NR6A1: variants seen among roughly 807,000 people sequenced by gnomAD.
NR6A1 encodes the protein nuclear receptor subfamily 6 group A member 1, also known as retinoic acid receptor-related testis-associated receptor.
In NR6A1, 7 loss-of-function variants were observed where a neutral mutation model predicts 59.1. The observed-to-expected ratio is 0.12, with a 90% CI of 0.07 to 0.22. The LOEUF is 0.22. Ranked by LOEUF, NR6A1 falls within the 10% of genes least tolerant of loss-of-function variation. The pLI, the probability that NR6A1 is intolerant of heterozygous loss-of-function variation, is 1.00. For synonymous variants in NR6A1, 243 were observed against 236.1 expected (o/e 1.03, Z -0.27); for missense variants, 468 against 611.6 (o/e 0.77, Z 2.48).
intron 2 of NR6A1, among the ~76,000 whole-genome samples, chr9:124,649,106 T>C (rs889095967): frequency 1.3e-5 from 2 of 151,762 alleles, no homozygotes; most frequent in African/African-American, 2.4e-5. Context: ...CTAAAATTCA[T>C]ATGAAACCTC....
intron 2 of NR6A1, among the ~76,000 whole-genome samples, chr9:124,701,639 AT>A (rs1838953917): frequency 6.6e-6 from 1 of 152,172 alleles, no homozygotes; most frequent in Non-Finnish European, 1.5e-5. Context: ...GAATCATTAT[AT>A]TTTTTGTTAA....
chr9:124,635,052 TATTAAATGGGTTTTA>T (rs1836561792), intron 2 of NR6A1, among the ~76,000 whole-genome samples: 1 of 152,186 alleles, frequency 6.6e-6, no homozygotes, highest in Admixed American at 6.5e-5. Context: ...GGGTGTTGTA[TATTAAATGGGTTTTA>T]ACAAATATAT....
intron 2 of NR6A1, among the ~76,000 whole-genome samples, chr9:124,605,645 T>C (rs919163037): frequency 6.6e-6 from 1 of 152,168 alleles, no homozygotes; most frequent in Non-Finnish European, 1.5e-5. Context: ...AGGATAAGGA[T>C]ACATACTGGA....
chr9:124,618,968 A>G (rs1218764398), intron 2 of NR6A1, among the ~76,000 whole-genome samples: 1 of 152,202 alleles, frequency 6.6e-6, no homozygotes, highest in Admixed American at 6.5e-5. Context: ...ATTCAAATGG[A>G]TAAACTCTTT....
intron 2 of NR6A1, among the ~76,000 whole-genome samples, chr9:124,719,232 A>T (rs550886490): frequency 6.6e-6 from 1 of 151,820 alleles, no homozygotes; most frequent in Admixed American, 6.6e-5. Flanking sequence ...GACTACAGAC[A>T]TGTGCCGCCA....
intron 2 of NR6A1, among the ~76,000 whole-genome samples, chr9:124,650,640 C>T (rs1166587514): frequency 6.6e-6 from 1 of 152,182 alleles, no homozygotes; most frequent in African/African-American, 2.4e-5. Flanking sequence ...GGTGATTTCC[C>T]TATTACCCCA....
Position 124,719,694 on chromosome 9 carries a change from G to A in NR6A1, c.142+13614C>T, listed in dbSNP as rs376672654. ...AGCACTCTGGGAAGCCGAGGTGCGCGGATTGCTTGAGTCTAGGAGTTGGAA... is the reference window on the plus strand; with the variant it reads ...AGCACTCTGGGAAGCCGAGGTGCGCAGATTGCTTGAGTCTAGGAGTTGGAA... On this transcript the variant is annotated intron_variant, in intron 2 of 9. Coordinates refer to ENST00000487099, the MANE Select transcript of NR6A1 (RefSeq NM_033334.4). 2.4e-3 allele frequency among the ~76,000 whole-genome samples: 372 copies of A among 152,196 alleles called. 1 individual carries two copies. Among genetic ancestry groups the A allele is most frequent in the Non-Finnish European group, 3.8e-3 (257 of 68,006 alleles).
intron 2 of NR6A1, among the ~76,000 whole-genome samples, chr9:124,578,144 C>CT (rs1396206855): frequency 6.6e-6 from 1 of 152,134 alleles, no homozygotes; most frequent in Admixed American, 6.6e-5. Flanking sequence ...CTCTTTGGGA[C>CT]TTCCAAACAT....
At chr9:124,682,286 GC>G (rs1471315729) in intron 2 of NR6A1, among the ~76,000 whole-genome samples, 1 of 152,156 alleles carries the variant, frequency 6.6e-6, no homozygotes, top group African/African-American at 2.4e-5. Context: ...ACAGGCATCA[GC>G]CATCGCGCCT....
intron 2 of NR6A1, among the ~76,000 whole-genome samples, chr9:124,648,021 A>G (rs1836989556): frequency 6.6e-6 from 1 of 152,206 alleles, no homozygotes; most frequent in Non-Finnish European, 1.5e-5. Context: ...ACAGGCTAGT[A>G]TCTCTGATGA....
At chr9:124,614,356 TTC>T (rs572382803) in intron 2 of NR6A1, among the ~76,000 whole-genome samples, 44 of 152,286 alleles carry the variant, frequency 2.9e-4, no homozygotes, top group Non-Finnish European at 4.7e-4. Flanking sequence ...CAAGAATAGT[TTC>T]TGTCTCCACC....
At chr9:124,725,434 A>G (rs745538367) in intron 2 of NR6A1, among the ~76,000 whole-genome samples, 6 of 152,128 alleles carry the variant, frequency 3.9e-5, no homozygotes, top group Non-Finnish European at 7.4e-5. Flanking sequence ...TTAATTGGAC[A>G]AAGTCAGTCT....
chr9:124,599,924 C>G lies in NR6A1; in HGVS notation c.143-45354G>C, dbSNP rs1835399753. Among the ~76,000 whole-genome samples the G allele has an allele frequency of 2.6e-5, 4 of 152,164 alleles. No homozygotes were observed. In the South Asian group the frequency reaches 8.3e-4, roughly 32 times the overall value. ...TAACACCATTTCCCATATGTTTATT[C>G]AAATAGACGCTCTCAAAGATGACTG... On this transcript the variant is annotated intron_variant, in intron 2 of 9. Coordinates refer to ENST00000487099, the MANE Select transcript of NR6A1 (RefSeq NM_033334.4).
chr9:124,595,640 A>C (rs1022765512), intron 2 of NR6A1: 3 of 491,056 alleles, frequency 6.1e-6, no homozygotes, highest in African/African-American at 2.0e-5. Flanking sequence ...CGAAGACACA[A>C]AAAAAACAGT....
At chr9:124,705,318 T>C (rs1839091491) in intron 2 of NR6A1, among the ~76,000 whole-genome samples, 2 of 152,254 alleles carry the variant, frequency 1.3e-5, no homozygotes, top group South Asian at 2.1e-4. Context: ...TACTATTGTT[T>C]AATAGTCCAT....
intron 2 of NR6A1, among the ~76,000 whole-genome samples, chr9:124,644,260 G>A (rs1404811363): frequency 2.3e-5 from 3 of 130,084 alleles, no homozygotes; most frequent in Non-Finnish European, 4.7e-5. Flanking sequence ...TCCTCTTGAA[G>A]ATTAAGTCTT....
chr9:124,681,094 A>C (rs966986247), intron 2 of NR6A1, among the ~76,000 whole-genome samples: 1 of 152,332 alleles, frequency 6.6e-6, no homozygotes, highest in South Asian at 2.1e-4. Context: ...CTGTGTGACA[A>C]AACAGTAGGT....
At chr9:124,633,358 G>A (rs906097690) in intron 2 of NR6A1, among the ~76,000 whole-genome samples, 73 of 144,934 alleles carry the variant, frequency 5.0e-4, no homozygotes, top group African/African-American at 1.6e-3. Context: ...AGTCGAGATC[G>A]CGCCACTGCA....
chr9:124,533,704 C>T (rs144742431), intron 7 of NR6A1, among the ~76,000 whole-genome samples: 4 of 151,058 alleles, frequency 2.6e-5, no homozygotes, highest in African/African-American at 9.7e-5. Flanking sequence ...GGCTGGAATG[C>T]AGTGGTGCAA....
Sources: allele counts gnomAD v4.1 joint callset (sites outside exome capture counted in the v4.1 genomes callset), GRCh38; gene constraint gnomAD v4.1.1; transcripts MANE v1.5; gene names NCBI Gene and HGNC (gene_info 2026-07-23, HGNC 2026-07-21).